SAMMSON: variants seen among roughly 807,000 people sequenced by gnomAD.
SAMMSON encodes the protein long intergenic non-protein coding RNA 1212.
rs145977466 is a variant in SAMMSON, at chr3:70,212,308, G to A, written n.508-36799G>A. On this transcript the variant is annotated intron_variant and non_coding_transcript_variant, in intron 4 of 9. Coordinates refer to ENST00000642114, the Ensembl canonical transcript of SAMMSON. ...TGGACATTTTTTGTGGGTAACTAGC[G>A]AAATCCTTTCAATTATGATGCCTCT... Among the ~76,000 whole-genome samples the A allele has an allele frequency of 4.6e-5, 7 of 152,212 alleles. No homozygotes were observed. In the East Asian group the frequency reaches 7.7e-4, roughly 17 times the overall value.
intron 6 of SAMMSON, among the ~76,000 whole-genome samples, chr3:70,263,107 A>G (rs1401767874): frequency 1.3e-5 from 2 of 152,088 alleles, no homozygotes; most frequent in Admixed American, 6.6e-5. Context: ...TATAGGACAG[A>G]TTTATAATAG....
At chr3:70,044,288 T>A (rs1178509538) in intron 3 of SAMMSON, among the ~76,000 whole-genome samples, 1 of 152,040 alleles carries the variant, frequency 6.6e-6, no homozygotes, top group African/African-American at 2.4e-5. Flanking sequence ...AAAATCTTCC[T>A]AGTACACAAT....
At position 70,237,372 on chromosome 3, in the gene SAMMSON, C is replaced by A. The variant is rs183644771; in HGVS notation, n.508-11735C>A. On this transcript the variant is annotated intron_variant and non_coding_transcript_variant, in intron 4 of 9. Coordinates refer to ENST00000642114, the Ensembl canonical transcript of SAMMSON. ...TTCCCATCCCTCTCATATGTGTGAT[C>A]TTTTAACCAAATAAAAAAGCCCATT... 1.2e-3 allele frequency among the ~76,000 whole-genome samples: 179 copies of A among 152,284 alleles called. 1 individual carries two copies. The highest frequency in any genetic ancestry group is 4.1e-3 in the African/African-American group (171 of 41,554).
intron 9 of SAMMSON, among the ~76,000 whole-genome samples, chr3:70,359,448 T>C (rs530613820): frequency 6.6e-6 from 1 of 152,324 alleles, no homozygotes; most frequent in Non-Finnish European, 1.5e-5. Context: ...AATGCTTTAA[T>C]TAAACTAAAA....
chr3:70,268,035 C>G (rs2106668415), intron 6 of SAMMSON, among the ~76,000 whole-genome samples: 1 of 151,304 alleles, frequency 6.6e-6, no homozygotes, highest in East Asian at 2.0e-4. Flanking sequence ...TCTTTCTCCT[C>G]CTCCTCCTCC....
At chr3:70,414,674 T>A (rs1281503326) in intron 2 of SAMMSON, among the ~76,000 whole-genome samples, 3 of 152,138 alleles carry the variant, frequency 2.0e-5, no homozygotes, top group African/African-American at 7.2e-5. Flanking sequence ...TAATGTGACC[T>A]TAGTTAGATC....
At chr3:70,225,480 C>A (rs1403450452) in intron 4 of SAMMSON, among the ~76,000 whole-genome samples, 1 of 152,142 alleles carries the variant, frequency 6.6e-6, no homozygotes, top group Admixed American at 6.5e-5. Flanking sequence ...ATCTACCTCC[C>A]ACTCTTTTGT....
chr3:70,280,947 C>T (rs912298492), intron 6 of SAMMSON, among the ~76,000 whole-genome samples: 6 of 152,116 alleles, frequency 3.9e-5, no homozygotes, highest in East Asian at 1.9e-4. Flanking sequence ...TCATATCATA[C>T]CCTTTTTGTG....
At chr3:70,032,196 G>C (rs1280623714) in intron 3 of SAMMSON, among the ~76,000 whole-genome samples, 1 of 152,114 alleles carries the variant, frequency 6.6e-6, no homozygotes, top group Non-Finnish European at 1.5e-5. Flanking sequence ...TTTCTAGGCT[G>C]CCCTCTGAAC....
intron 6 of SAMMSON, among the ~76,000 whole-genome samples, chr3:70,253,266 C>T (rs1701786173): frequency 1.3e-5 from 2 of 151,920 alleles, no homozygotes; most frequent in African/African-American, 2.4e-5. Context: ...TAGAGGGAGC[C>T]ATGTGGATAG....
At chr3:70,419,705 T>C (rs977335759) in intron 2 of SAMMSON, among the ~76,000 whole-genome samples, 5 of 152,108 alleles carry the variant, frequency 3.3e-5, no homozygotes, top group African/African-American at 1.2e-4. Flanking sequence ...GTGGTGCAAT[T>C]TCGGCTCACT....
chr3:70,144,281 A>G lies in SAMMSON; in HGVS notation n.507+72716A>G, dbSNP rs569414978. On this transcript the variant is annotated intron_variant and non_coding_transcript_variant, in intron 4 of 9. Transcript: ENST00000642114. ...CCATTAAACTTTTAATGCTAACTTT[A>G]TAATGAGTATGCTGAACTGCTATAT... Among the ~76,000 whole-genome samples the G allele has an allele frequency of 3.3e-5, 5 of 152,258 alleles. No homozygotes were observed. In the East Asian group the frequency reaches 7.7e-4, roughly 24 times the overall value.
At chr3:70,052,200 A>G (rs1353587660) in intron 3 of SAMMSON, among the ~76,000 whole-genome samples, 2 of 152,178 alleles carry the variant, frequency 1.3e-5, no homozygotes, top group East Asian at 1.9e-4. Flanking sequence ...AAGCAAAAAT[A>G]AAGTATTACC....
intron 4 of SAMMSON, among the ~76,000 whole-genome samples, chr3:70,203,216 G>A (rs758676185): frequency 2.6e-5 from 4 of 152,034 alleles, no homozygotes; most frequent in Non-Finnish European, 4.4e-5. Flanking sequence ...CCCCAAGCCA[G>A]TATTTTAATA....
At chr3:70,287,429 A>G (rs1481781249) in intron 6 of SAMMSON, among the ~76,000 whole-genome samples, 3 of 151,550 alleles carry the variant, frequency 2.0e-5, no homozygotes, top group East Asian at 1.9e-4. Flanking sequence ...TGGTGGATAA[A>G]CTTTTTGATG....
intron 2 of SAMMSON, among the ~76,000 whole-genome samples, chr3:70,396,076 A>G (rs1701090736): frequency 6.6e-6 from 1 of 152,100 alleles, no homozygotes; most frequent in Admixed American, 6.5e-5. Flanking sequence ...TTAAAATTTG[A>G]TCTCTAGCAC....
At chr3:70,348,274 A>T (rs188338580) in intron 7 of SAMMSON, among the ~76,000 whole-genome samples, 79 of 152,342 alleles carry the variant, frequency 5.2e-4, no homozygotes, top group Admixed American at 9.1e-4. Context: ...GAAGATGGTC[A>T]TGGACAGAGG....
At chr3:70,320,527 C>T (rs1185117921) in intron 7 of SAMMSON, among the ~76,000 whole-genome samples, 6 of 151,994 alleles carry the variant, frequency 3.9e-5, no homozygotes, top group African/African-American at 1.4e-4. Context: ...TAGCCTTACT[C>T]TATACTTTCA....
intron 4 of SAMMSON, among the ~76,000 whole-genome samples, chr3:70,093,754 T>C (rs944280811): frequency 3.3e-5 from 5 of 152,158 alleles, no homozygotes; most frequent in African/African-American, 1.2e-4. Flanking sequence ...TTCTTTAGTT[T>C]AGAGATGCAA....
Sources: allele counts gnomAD v4.1 joint callset (sites outside exome capture counted in the v4.1 genomes callset), GRCh38; gene constraint gnomAD v4.1.1; transcripts MANE v1.5; gene names NCBI Gene and HGNC (gene_info 2026-07-23, HGNC 2026-07-21).